CCBE1: variants seen among roughly 807,000 people sequenced by gnomAD.
CCBE1 encodes collagen and calcium-binding EGF domain-containing protein 1.
A neutral mutation model predicts 50.0 loss-of-function variants in CCBE1; 37 were observed. The observed-to-expected ratio is 0.74, with a 90% CI of 0.57 to 0.97. CCBE1 has a LOEUF of 0.97. Ranked by LOEUF, CCBE1 falls within the 50% of genes least tolerant of loss-of-function variation. CCBE1 has a pLI of 0.00. For synonymous variants in CCBE1, 234 were observed against 203.7 expected (o/e 1.15, Z -1.27); for missense variants, 538 against 523.8 (o/e 1.03, Z -0.26).
chr18:59,617,304 TAAC>T (rs2053649784), intron 2 of CCBE1, among the ~76,000 whole-genome samples: 1 of 152,232 alleles, frequency 6.6e-6, no homozygotes, highest in Non-Finnish European at 1.5e-5. Flanking sequence ...ACATTTTTGA[TAAC>T]AAATGCAAAT....
chr18:59,572,759 A>T (rs1409614872), intron 2 of CCBE1, among the ~76,000 whole-genome samples: 1 of 152,192 alleles, frequency 6.6e-6, no homozygotes, highest in African/African-American at 2.4e-5. Flanking sequence ...TCACAAGAAT[A>T]AACTATGACT....
intron 2 of CCBE1, among the ~76,000 whole-genome samples, chr18:59,560,091 C>T (rs1344456067): frequency 1.3e-5 from 2 of 152,324 alleles, no homozygotes; most frequent in South Asian, 2.1e-4. Context: ...GCCCCTCTTG[C>T]CTGGGAGTTG....
chr18:59,685,576 C>G (rs1240206545), intron 2 of CCBE1, among the ~76,000 whole-genome samples: 1 of 152,222 alleles, frequency 6.6e-6, no homozygotes, highest in African/African-American at 2.4e-5. Context: ...TTTCAGCATA[C>G]TGGAATCACA....
chr18:59,469,972 C>T (rs1911951810), intron 3 of CCBE1, among the ~76,000 whole-genome samples: 1 of 152,114 alleles, frequency 6.6e-6, no homozygotes, highest in South Asian at 2.1e-4. Flanking sequence ...GTGACTCCAC[C>T]CAGCAGAATA....
chr18:59,569,067 G>C (rs1183392356), intron 2 of CCBE1, among the ~76,000 whole-genome samples: 1 of 152,100 alleles, frequency 6.6e-6, no homozygotes, highest in African/African-American at 2.4e-5. Flanking sequence ...GGTGCATCTC[G>C]GGTTATCTCC....
chr18:59,489,945 A>G (rs921813680), intron 2 of CCBE1, among the ~76,000 whole-genome samples: 2 of 151,244 alleles, frequency 1.3e-5, no homozygotes, highest in Non-Finnish European at 2.9e-5. Flanking sequence ...AAAATAAAAT[A>G]TGATTATATT....
chr18:59,689,104 G>A (rs1351460895), intron 2 of CCBE1, among the ~76,000 whole-genome samples: 1 of 152,196 alleles, frequency 6.6e-6, no homozygotes, highest in Non-Finnish European at 1.5e-5. Context: ...ACAAGAACAA[G>A]CCATGGGCCC....
chr18:59,482,260 A>C lies in CCBE1; in HGVS notation c.213-2022T>G, dbSNP rs182463725. 6.9e-3 allele frequency among the ~76,000 whole-genome samples: 1,053 copies of C among 152,348 alleles called. 8 individuals are homozygous for C. Among genetic ancestry groups the C allele is most frequent in the Non-Finnish European group, 9.2e-3 (624 of 68,034 alleles). ...TGCTTAGTATTCCATGGTGTATGCCAGTTAGAATGGCGATCATTAAAAAGT... is the reference window on the plus strand; with the variant it reads ...TGCTTAGTATTCCATGGTGTATGCCCGTTAGAATGGCGATCATTAAAAAGT... On this transcript the variant is annotated intron_variant, in intron 2 of 10. Transcript: ENST00000439986.
At chr18:59,693,183 C>T (rs1257703077) in intron 2 of CCBE1, among the ~76,000 whole-genome samples, 3 of 151,984 alleles carry the variant, frequency 2.0e-5, no homozygotes, top group Admixed American at 6.6e-5. Flanking sequence ...GCAGGAAGTC[C>T]CTTGCCCTCC....
Position 59,697,389 on chromosome 18 carries a change from A to G in CCBE1, c.-47T>C. ...CCCAGCGCCGAGCTCCGTCCGGACC[A>G]AGCGTCCTGCTCCTCCGCGGCCGCC... On this transcript the variant is annotated 5_prime_UTR_variant, in exon 1 of 11. Coordinates refer to ENST00000439986, the MANE Select transcript of CCBE1 (RefSeq NM_133459.4). 6.5e-7 allele frequency: 1 copy of G among 1,533,430 alleles called. No individual in the cohort carries two copies. Among genetic ancestry groups the G allele is most frequent in the Non-Finnish European group, 8.8e-7 (1 of 1,141,946 alleles). 95.0% of individuals were successfully genotyped at this position (1,533,430 alleles called of 1,614,324 possible).
chr18:59,540,946 CT>C (rs1216644236), intron 2 of CCBE1, among the ~76,000 whole-genome samples: 2 of 152,130 alleles, frequency 1.3e-5, no homozygotes, highest in African/African-American at 4.8e-5. Flanking sequence ...AGTTGGGCTG[CT>C]GGAAAAATAT....
chr18:59,516,122 C>T lies in CCBE1; in HGVS notation c.213-35884G>A, dbSNP rs191001305. 8.5e-5 allele frequency among the ~76,000 whole-genome samples: 13 copies of T among 152,272 alleles called. 1 individual carries two copies. In the East Asian group the frequency reaches 2.5e-3, roughly 29 times the overall value. On this transcript the variant is annotated intron_variant, in intron 2 of 10. Coordinates refer to ENST00000439986, the MANE Select transcript of CCBE1 (RefSeq NM_133459.4). ...TGCATGCATGTCCCACCACGCCCAG[C>T]TAACTTTTGTATTTTTAGTAGAGAT... is the stretch of plus-strand genomic sequence containing the variant.
chr18:59,512,839 G>A (rs576404135), intron 2 of CCBE1, among the ~76,000 whole-genome samples: 1 of 152,294 alleles, frequency 6.6e-6, no homozygotes, highest in African/African-American at 2.4e-5. Flanking sequence ...GTGAAGATGT[G>A]GGAACATCAG....
At chr18:59,600,450 T>C (rs1463538611) in intron 2 of CCBE1, among the ~76,000 whole-genome samples, 1 of 152,062 alleles carries the variant, frequency 6.6e-6, no homozygotes, top group Non-Finnish European at 1.5e-5. Flanking sequence ...GTACAATAAA[T>C]GTAATGTGCT....
chr18:59,491,307 C>A (rs1277756753), intron 2 of CCBE1, among the ~76,000 whole-genome samples: 1 of 152,168 alleles, frequency 6.6e-6, no homozygotes, highest in Middle Eastern at 3.2e-3. Context: ...TGCAAGTCTG[C>A]CATTGCTCCC....
At chr18:59,566,825 G>A (rs1179901510) in intron 2 of CCBE1, among the ~76,000 whole-genome samples, 2 of 151,826 alleles carry the variant, frequency 1.3e-5, no homozygotes, top group African/African-American at 2.4e-5. Flanking sequence ...GAAAAAAAAT[G>A]ATGGCTGCTT....
At position 59,432,387 on chromosome 18, in the gene CCBE1, G is replaced by A. The variant is rs2143589555; in HGVS notation, c.*3521C>T. ...ATTTCTACTAACAGGTTGAGGAGGT[G>A]TACAAAGATCTTTTTCCCTATAAAA... On this transcript the variant is annotated 3_prime_UTR_variant, in exon 11 of 11. Coordinates refer to ENST00000439986, the MANE Select transcript of CCBE1 (RefSeq NM_133459.4). 6.6e-6 allele frequency: 1 copy of A among 152,274 alleles called. No individual in the cohort carries two copies. Among genetic ancestry groups the A allele is most frequent in the South Asian group, 2.1e-4 (1 of 4,828 alleles). The allele number at this position is 152,274 out of a possible 1,614,324, so 9.4% of individuals were successfully genotyped here. A position where few individuals can be genotyped will look rare whatever the true frequency, so the allele number is the denominator to read the frequency against.
intron 2 of CCBE1, among the ~76,000 whole-genome samples, chr18:59,575,086 G>A (rs774135321): frequency 5.3e-5 from 8 of 152,204 alleles, no homozygotes; most frequent in Non-Finnish European, 1.0e-4. Context: ...GAACACCAGA[G>A]ATGGCTAGCA....
chr18:59,474,880 C>T (rs1355698261), intron 3 of CCBE1, among the ~76,000 whole-genome samples: 1 of 152,160 alleles, frequency 6.6e-6, no homozygotes, highest in Non-Finnish European at 1.5e-5. Context: ...TACAATTCAA[C>T]CTTTTGGATT....
Sources: allele counts gnomAD v4.1 joint callset (sites outside exome capture counted in the v4.1 genomes callset), GRCh38; gene constraint gnomAD v4.1.1; transcripts MANE v1.5; gene names NCBI Gene and HGNC (gene_info 2026-07-23, HGNC 2026-07-21).